The following CLASP2 variants were observed in gnomAD, a reference collection of about 807,000 sequenced individuals.
CLASP2 encodes CLIP-associating protein 2.
A neutral mutation model predicts 194.4 loss-of-function variants in CLASP2; 47 were observed. That is an observed-to-expected ratio of 0.24 (90% CI 0.19 to 0.31). The LOEUF is 0.31. Ranked by LOEUF, CLASP2 falls within the 10% of genes least tolerant of loss-of-function variation. CLASP2 has a pLI of 1.00. For missense variants in CLASP2, 1,445 were observed against 1,823.6 expected, an observed-to-expected ratio of 0.79 and a Z score of 3.78; for synonymous variants, 619 against 633.5, an observed-to-expected ratio of 0.98 and a Z score of 0.34.
intron 18 of CLASP2, chr3:33,602,564 C>G (rs1364802285): frequency 3.9e-6 from 3 of 763,060 alleles, no homozygotes; most frequent in Non-Finnish European, 7.2e-6. Context: ...TTGCAGTTCT[C>G]CCAGATCTCC....
chr3:33,655,608 G>A (rs1353590542), intron 7 of CLASP2, among the ~76,000 whole-genome samples: 3 of 152,066 alleles, frequency 2.0e-5, no homozygotes, highest in African/African-American at 7.2e-5. Flanking sequence ...TAAGTCAAAT[G>A]GTTGCTTTCT....
chr3:33,528,808 A>AAGAAAGAAAGAG, intron 34 of CLASP2, among the ~76,000 whole-genome samples: 1 of 152,110 alleles, frequency 6.6e-6, no homozygotes, highest in East Asian at 1.9e-4. Flanking sequence ...GAAAGAAAGG[A>AAGAAAGAAAGAG]AGAAAGAAAG....
intron 7 of CLASP2, chr3:33,659,337 A>C: frequency 9.0e-7 from 1 of 1,111,402 alleles, no homozygotes; most frequent in East Asian, 5.1e-5. Flanking sequence ...GAGCCAATAA[A>C]TGCCATCCCG....
At chr3:33,686,966 C>T in intron 5 of CLASP2, 94 bp downstream of exon 5, 2 of 670,380 alleles carry the variant, frequency 3.0e-6, no homozygotes, top group South Asian at 2.3e-5. Context: ...CCCCCTCCAC[C>T]CTCTCTCTTC....
intron 34 of CLASP2, among the ~76,000 whole-genome samples, chr3:33,523,707 A>C (rs2053764698): frequency 6.6e-6 from 1 of 152,188 alleles, no homozygotes; most frequent in African/African-American, 2.4e-5. Context: ...ACAGACTGTA[A>C]CTCCATTTTT....
intron 34 of CLASP2, among the ~76,000 whole-genome samples, chr3:33,520,700 A>G (rs191968892): frequency 4.6e-5 from 7 of 152,320 alleles, no homozygotes; most frequent in African/African-American, 1.4e-4. Flanking sequence ...AACGAAAGCT[A>G]GGTTTCTGTC....
intron 29 of CLASP2, among the ~76,000 whole-genome samples, chr3:33,557,075 G>C (rs539097002): frequency 6.6e-6 from 1 of 152,028 alleles, no homozygotes; most frequent in African/African-American, 2.4e-5. Context: ...TCCGGTTCAA[G>C]TGATTCTCCT....
chr3:33,526,120 G>A (rs2054496942), intron 34 of CLASP2, among the ~76,000 whole-genome samples: 1 of 151,134 alleles, frequency 6.6e-6, no homozygotes, highest in African/African-American at 2.4e-5. Flanking sequence ...TTACAGGTGT[G>A]CACCACCATG....
intron 12 of CLASP2, among the ~76,000 whole-genome samples, chr3:33,613,200 G>C (rs2075511651): frequency 6.6e-6 from 1 of 152,164 alleles, no homozygotes; most frequent in African/African-American, 2.4e-5. Context: ...CTGTGGATGT[G>C]AGATGAAGGA....
intron 32 of CLASP2, among the ~76,000 whole-genome samples, chr3:33,543,224 T>C (rs1051513146): frequency 6.6e-6 from 1 of 152,034 alleles, no homozygotes; most frequent in African/African-American, 2.4e-5. Context: ...AATACAAAAA[T>C]CAGCGGGGTG....
chr3:33,659,141 AG>A, intron 7 of CLASP2: 1 of 1,409,756 alleles, frequency 7.1e-7, no homozygotes, highest in Non-Finnish European at 9.2e-7. Context: ...GCACCGCAAT[AG>A]CCAACAGCTG....
At chr3:33,601,420 A>G (rs1294287242) in intron 18 of CLASP2, among the ~76,000 whole-genome samples, 3 of 152,170 alleles carry the variant, frequency 2.0e-5, no homozygotes, top group African/African-American at 7.2e-5. Context: ...TTCTTGATAT[A>G]TGTAGAATTT....
chr3:33,535,534 A>AT lies in CLASP2; in HGVS notation c.3559-74dup, dbSNP rs1250227579. 3 of 1,180,670 alleles carry AT rather than the reference A, an allele frequency of 2.5e-6. No individual in the cohort carries two copies. The Admixed American group carries it at 7.1e-5, about 28-fold the overall frequency. The allele number at this position is 1,180,670 out of a possible 1,614,324, so 73.1% of individuals were successfully genotyped here. On this transcript the variant is annotated intron_variant, in intron 33 of 38. Transcript: ENST00000682230. ...TATCTATTTAACATTCTAAAAAGAT[A>AT]TTTCTCTACTGCTTAAAAGACAATT...
intron 29 of CLASP2, among the ~76,000 whole-genome samples, chr3:33,554,164 T>C (rs181314887): frequency 2.9e-3 from 433 of 149,634 alleles, no homozygotes; most frequent in African/African-American, 0.01. Flanking sequence ...GGAGGTGGAG[T>C]TCCAGTGAAC....
chr3:33,692,477 A>G (rs576743767), intron 2 of CLASP2, among the ~76,000 whole-genome samples: 16 of 152,338 alleles, frequency 1.1e-4, no homozygotes, highest in Admixed American at 9.8e-4. Context: ...TTTAAACAAG[A>G]AATTCATACT....
intron 13 of CLASP2, 114 bp downstream of exon 13, chr3:33,611,887 T>C (rs537465816): frequency 2.8e-6 from 2 of 711,630 alleles, no homozygotes; most frequent in Non-Finnish European, 2.3e-6. Context: ...AACACTTTTT[T>C]ATGGTTTTCT....
intron 29 of CLASP2, among the ~76,000 whole-genome samples, chr3:33,551,926 G>A (rs1001128858): frequency 6.6e-6 from 1 of 151,598 alleles, no homozygotes; most frequent in Non-Finnish European, 1.5e-5. Context: ...TAGCAATCAA[G>A]GTGGGCAATA....
chr3:33,648,561 A>C (rs1229244236), intron 7 of CLASP2, among the ~76,000 whole-genome samples: 3 of 152,210 alleles, frequency 2.0e-5, no homozygotes, highest in Admixed American at 1.3e-4. Flanking sequence ...AATTTTACCC[A>C]CTTCCAATAA....
intron 32 of CLASP2, among the ~76,000 whole-genome samples, chr3:33,539,436 C>T (rs2057953003): frequency 6.6e-6 from 1 of 151,760 alleles, no homozygotes; most frequent in Non-Finnish European, 1.5e-5. Context: ...CCGAGTTCAA[C>T]TGATTCTCCT....
Sources: gnomAD v4.1 joint callset for allele counts (sites outside exome capture counted in the v4.1 genomes callset) on GRCh38, gnomAD v4.1.1 for gene constraint, MANE v1.5 for transcripts, NCBI Gene and HGNC (gene_info 2026-07-23, HGNC 2026-07-21) for gene names.